Variants in SMYD3 observed in about 807,000 individuals in gnomAD.
SMYD3 encodes histone-lysine N-methyltransferase SMYD3.
SMYD3 carries 36 observed loss-of-function variants against 57.7 expected under a neutral mutation model. That is an observed-to-expected ratio of 0.62 (90% CI 0.48 to 0.82). The LOEUF (loss-of-function observed/expected upper bound fraction) is 0.82, where lower values mean the gene tolerates loss of function less well. Among genes scored for constraint, SMYD3 ranks in the 40% least tolerant of loss-of-function variants. The probability of loss-of-function intolerance (pLI) is 0.00; values close to 1 mark genes in which losing one functional copy is unlikely to be tolerated. For missense variants in SMYD3, 515 were observed against 538.8 expected, an observed-to-expected ratio of 0.96 and a Z score of 0.44; for synonymous variants, 211 against 195.0, an observed-to-expected ratio of 1.08 and a Z score of -0.68.
intron 5 of SMYD3, among the ~76,000 whole-genome samples, chr1:246,211,123 A>C (rs1364488307): frequency 6.6e-6 from 1 of 152,160 alleles, no homozygotes; most frequent in Non-Finnish European, 1.5e-5. Context: ...TATAGGAAAA[A>C]AAAATCATGA....
At chr1:246,053,005 G>A (rs2060087918) in intron 5 of SMYD3, 3 of 152,396 alleles carry the variant, frequency 2.0e-5, no homozygotes, top group African/African-American at 7.2e-5. Context: ...GTGAGGCTGA[G>A]GCAGGAAGAT....
At chr1:245,965,030 T>G (rs966388023) in intron 5 of SMYD3, among the ~76,000 whole-genome samples, 1 of 152,080 alleles carries the variant, frequency 6.6e-6, no homozygotes, top group Non-Finnish European at 1.5e-5. Flanking sequence ...CATATCATAT[T>G]TACAACTAAG....
chr1:246,240,786 C>T (rs1305424413), intron 5 of SMYD3, among the ~76,000 whole-genome samples: 2 of 152,096 alleles, frequency 1.3e-5, no homozygotes, highest in African/African-American at 4.8e-5. Context: ...GTTTGTGGTT[C>T]GCCTTGAACA....
chr1:246,322,285 T>G (rs183660286), intron 5 of SMYD3: 2 of 152,228 alleles, frequency 1.3e-5, no homozygotes, highest in East Asian at 3.9e-4. Context: ...AGACTCAACT[T>G]GAAAGCCAGG....
intron 8 of SMYD3, among the ~76,000 whole-genome samples, chr1:245,903,479 A>G (rs932026486): frequency 2.0e-5 from 3 of 152,202 alleles, no homozygotes; most frequent in Non-Finnish European, 4.4e-5. Flanking sequence ...ACACCAAGTT[A>G]ACAACTATCC....
At chr1:246,090,885 G>A (rs754338121) in intron 5 of SMYD3, among the ~76,000 whole-genome samples, 12 of 151,966 alleles carry the variant, frequency 7.9e-5, no homozygotes, top group Non-Finnish European at 1.2e-4. Flanking sequence ...CCTAAATTTT[G>A]CTGACGCGAA....
At chr1:246,201,144 T>G (rs2062917868) in intron 5 of SMYD3, among the ~76,000 whole-genome samples, 1 of 152,220 alleles carries the variant, frequency 6.6e-6, no homozygotes, top group African/African-American at 2.4e-5. Context: ...ACAAGTACAA[T>G]TCTTACAGAC....
intron 5 of SMYD3, among the ~76,000 whole-genome samples, chr1:246,290,546 G>A (rs898999840): frequency 6.6e-6 from 1 of 152,148 alleles, no homozygotes; most frequent in African/African-American, 2.4e-5. Context: ...TCGAGTGTGA[G>A]AGTTTCAGAC....
At chr1:246,483,759 C>G (rs2068144798) in intron 1 of SMYD3, 1 of 152,180 alleles carries the variant, frequency 6.6e-6, no homozygotes, top group Non-Finnish European at 1.5e-5. Context: ...CACATTCTTT[C>G]TCCTCTCTCA....
At chr1:246,284,575 C>T (rs2064520483) in intron 5 of SMYD3, among the ~76,000 whole-genome samples, 2 of 152,088 alleles carry the variant, frequency 1.3e-5, no homozygotes, top group South Asian at 2.1e-4. Flanking sequence ...CGCCACCACA[C>T]CCGGCTAATT....
At chr1:246,241,080 T>C in intron 5 of SMYD3, among the ~76,000 whole-genome samples, 1 of 96,948 alleles carries the variant, frequency 1.0e-5, no homozygotes, top group Non-Finnish European at 2.1e-5. Context: ...GAATACCCTT[T>C]CTTTCTTTCT....
intron 5 of SMYD3, among the ~76,000 whole-genome samples, chr1:246,048,896 G>C (rs2060014558): frequency 6.6e-6 from 1 of 152,078 alleles, no homozygotes; most frequent in Non-Finnish European, 1.5e-5. Context: ...ACCATTGCCT[G>C]AACAAACCAG....
chr1:246,506,987 A>ACCCCCCCCCCCCCCCCCC (rs2068551769), intron 1 of SMYD3, 67 bp downstream of exon 1: 2 of 634,722 alleles, frequency 3.2e-6, no homozygotes, highest in Non-Finnish European at 4.4e-6. Flanking sequence ...CGGCCGCCCG[A>ACCCCCCCCCCCCCCCCCC]CGCCCCCCCC....
intron 5 of SMYD3, among the ~76,000 whole-genome samples, chr1:246,034,047 T>C (rs1435154195): frequency 6.6e-6 from 1 of 152,212 alleles, no homozygotes; most frequent in East Asian, 1.9e-4. Flanking sequence ...AATTGAGCAA[T>C]AATTTAAAAA....
At chr1:245,968,225 T>C (rs1054109915) in intron 5 of SMYD3, among the ~76,000 whole-genome samples, 1 of 113,964 alleles carries the variant, frequency 8.8e-6, no homozygotes, top group African/African-American at 3.4e-5. Context: ...ATGGCCCCCC[T>C]CTGCTCACCA....
intron 5 of SMYD3, among the ~76,000 whole-genome samples, chr1:246,084,124 T>C (rs1221815096): frequency 6.6e-6 from 1 of 152,148 alleles, no homozygotes; most frequent in Non-Finnish European, 1.5e-5. Flanking sequence ...AAATGATTTT[T>C]GTGTGATAGA....
At chr1:245,771,601 C>G (rs2046340429) in intron 10 of SMYD3, among the ~76,000 whole-genome samples, 1 of 152,140 alleles carries the variant, frequency 6.6e-6, no homozygotes, top group Non-Finnish European at 1.5e-5. Flanking sequence ...GAGGGAGCAA[C>G]AGCCCACAGT....
chr1:246,064,124 C>T (rs2060301715), intron 5 of SMYD3, among the ~76,000 whole-genome samples: 2 of 152,188 alleles, frequency 1.3e-5, no homozygotes, highest in South Asian at 4.1e-4. Context: ...CCTGTCCTCA[C>T]TATCGGGCTT....
chr1:245,761,558 A>G (rs990834744), intron 11 of SMYD3, among the ~76,000 whole-genome samples: 3 of 152,162 alleles, frequency 2.0e-5, no homozygotes, highest in South Asian at 2.1e-4. Context: ...AGCTTCACAT[A>G]AGAAGCAATC....
Sources: gnomAD v4.1 joint callset for allele counts (sites outside exome capture counted in the v4.1 genomes callset) on GRCh38, gnomAD v4.1.1 for gene constraint, MANE v1.5 for transcripts, NCBI Gene and HGNC (gene_info 2026-07-23, HGNC 2026-07-21) for gene names.